Variants in NBPF20 observed in about 807,000 individuals in gnomAD.
The protein encoded by NBPF20 is NBPF family member NBPF20.
NBPF20 carries 90 observed loss-of-function variants against 68.1 expected under a neutral mutation model. The ratio of observed to expected loss-of-function variants is 1.32; its 90% CI spans 1.11 to 1.58. The LOEUF (loss-of-function observed/expected upper bound fraction) is 1.58, where lower values mean the gene tolerates loss of function less well. Among genes scored for constraint, NBPF20 ranks in the 40% most tolerant of loss-of-function variants. The probability of loss-of-function intolerance (pLI) is 0.00; values close to 1 mark genes in which losing one functional copy is unlikely to be tolerated. For missense variants in NBPF20, 816 were observed against 601.2 expected (o/e 1.36, Z -3.74); for synonymous variants, 290 against 228.1 (o/e 1.27, Z -2.45).
At chr1:145,412,447 G>A in the NBPF20 span, among the ~76,000 whole-genome samples, 1 of 151,926 alleles carries the variant, frequency 6.6e-6, no homozygotes, top group African/African-American at 2.4e-5. Context: ...AAAGGGAGGG[G>A]ACACAACAAA....
chr1:145,409,506 G>T (rs1236806656), upstream of NBPF20, among the ~76,000 whole-genome samples: 1 of 149,426 alleles, frequency 6.7e-6, no homozygotes, highest in African/African-American at 2.5e-5. Flanking sequence ...TTTTGCCTAG[G>T]TTTTTCCTGG....
At chr1:145,412,316 C>T in the NBPF20 span, among the ~76,000 whole-genome samples, 73 of 151,998 alleles carry the variant, frequency 4.8e-4, no homozygotes, top group Non-Finnish European at 8.2e-4. Context: ...TCTACTGTGT[C>T]CAGACATTCC....
chr1:145,400,325 G>C, intron 6 of NBPF20, 64 bp downstream of exon 11: 1 of 1,604,182 alleles, frequency 6.2e-7, no homozygotes, highest in Non-Finnish European at 8.5e-7. Flanking sequence ...TATAGAGCCT[G>C]TCTTCAGAGT....
Position 145,394,900 on chromosome 1 carries a change from G to C in NBPF20, c.991+78C>G, listed in dbSNP as rs1553663429. 10 of 1,456,660 alleles carry C rather than the reference G, an allele frequency of 6.9e-6. No individual in the cohort carries two copies. The South Asian group carries it at 8.0e-5, about 12-fold the overall frequency. 90.2% of individuals were successfully genotyped at this position (1,456,660 alleles called of 1,614,324 possible). A position where few individuals can be genotyped will look rare whatever the true frequency, so the allele number is the denominator to read the frequency against. On this transcript the variant is annotated intron_variant, in intron 8 of 137. Transcript: ENST00000369373. ...TGATGGCAAATCTCAGCCCAACAAG[G>C]GGCACAAGGCCCAAAGATTATGGGG... is the stretch of plus-strand genomic sequence containing the variant.
chr1:145,412,631 G>A, the NBPF20 span, among the ~76,000 whole-genome samples: 4 of 149,788 alleles, frequency 2.7e-5, no homozygotes, highest in South Asian at 2.1e-4. Flanking sequence ...AAAGTGATAC[G>A]AAGAAAACTC....
chr1:145,402,389 G>T lies in NBPF20; in HGVS notation c.279-8C>A. On this transcript the variant is annotated splice_region_variant and splice_polypyrimidine_tract_variant and intron_variant, in intron 3 of 137. Transcript: ENST00000369373. Reference sequence around the variant, plus strand: ...ACCAGGACTTTATATTGCCTAAGGTGAGACGGTAGAGAAAATTTAAGAGTG... The same window carrying T: ...ACCAGGACTTTATATTGCCTAAGGTTAGACGGTAGAGAAAATTTAAGAGTG... The T allele has an allele frequency of 6.2e-7, 1 of 1,601,830 alleles. No homozygotes were observed. The highest frequency in any genetic ancestry group is 8.5e-7 in the Non-Finnish European group (1 of 1,170,648).
At chr1:145,393,717 G>A in intron 9 of NBPF20, 167 bp downstream of exon 14, 1 of 1,493,446 alleles carries the variant, frequency 6.7e-7, no homozygotes, top group Non-Finnish European at 9.2e-7. Context: ...GGAAGAAATG[G>A]AAACCTAAAC....
At chr1:145,393,574 G>C (rs1448371474) in intron 9 of NBPF20, 108 of 647,228 alleles carry the variant, frequency 1.7e-4, no homozygotes, top group Non-Finnish European at 2.6e-4. Flanking sequence ...AGGACACACT[G>C]TGAACAGTGA....
intron 2 of NBPF20, among the ~76,000 whole-genome samples, chr1:145,404,140 C>T (rs1338193122): frequency 8.9e-5 from 13 of 146,880 alleles, no homozygotes; most frequent in Non-Finnish European, 1.3e-4. Context: ...GCTGCTTCCA[C>T]ACATTCTCGG....
the NBPF20 span, among the ~76,000 whole-genome samples, chr1:145,425,339 C>G: frequency 3.2e-4 from 49 of 151,498 alleles, no homozygotes; most frequent in Non-Finnish European, 6.5e-4. Context: ...CCCGGCCTGG[C>G]GCGGCGCCTT....
chr1:145,352,330 G>GAC lies in NBPF20; in HGVS notation c.7350-243_7350-242dup, dbSNP rs1168799009. 2.6e-3 allele frequency among the ~76,000 whole-genome samples: 215 copies of GAC among 82,002 alleles called. 3 individuals carry two copies. The highest frequency in any genetic ancestry group is 7.1e-3 in the African/African-American group (148 of 20,930). The allele number at this position is 82,002 out of a possible 152,430, so 53.8% of individuals were successfully genotyped here. A position where few individuals can be genotyped will look rare whatever the true frequency, so the allele number is the denominator to read the frequency against. On this transcript the variant is annotated intron_variant, in intron 61 of 137. Transcript: ENST00000369373. ...ACACACACACACACACACACACACAGACACACACACACACACAGAGAGAAC... is the reference window on the plus strand; with the variant it reads ...ACACACACACACACACACACACACAGACACACACACACACACACAGAGAGAAC...
At chr1:145,342,397 G>C (rs1267709426) in exon 74 of NBPF20, 2 of 83,932 alleles carry the variant, frequency 2.4e-5, no homozygotes, top group African/African-American at 5.8e-4. Flanking sequence ...CTCCCACGTC[G>C]AGAGAAAAGC....
chr1:145,306,402 C>T (rs1661413063), intron 119 of NBPF20, among the ~76,000 whole-genome samples: 1 of 137,520 alleles, frequency 7.3e-6, no homozygotes, highest in East Asian at 2.3e-4. Flanking sequence ...GCCCTCAGGA[C>T]ACACAGCATA....
At chr1:145,295,253 G>C (rs1661277251) in intron 133 of NBPF20, 1 of 525,710 alleles carries the variant, frequency 1.9e-6, no homozygotes. Flanking sequence ...CTCTGAGTTA[G>C]TGCCCTCGGG....
exon 1 of NBPF20, chr1:145,405,560 A>G: frequency 9.9e-7 from 1 of 1,011,950 alleles, no homozygotes; most frequent in East Asian, 2.6e-5. Context: ...GTGCCAGGTA[A>G]CCGTCTGCAG....
intron 8 of NBPF20, among the ~76,000 whole-genome samples, chr1:145,394,592 C>T (rs1165480770): frequency 6.6e-6 from 1 of 152,010 alleles, no homozygotes; most frequent in African/African-American, 2.4e-5. Context: ...ACCACACAGA[C>T]ATGCTTTGGG....
rs1662565086 is a variant in NBPF20 at position 145,402,384 on chromosome 1, A to T, written c.279-3T>A. On this transcript the variant is annotated splice_region_variant and splice_polypyrimidine_tract_variant and intron_variant, in intron 3 of 137. Coordinates refer to ENST00000369373, the Ensembl canonical transcript of NBPF20. ...CGTGAACCAGGACTTTATATTGCCT[A>T]AGGTGAGACGGTAGAGAAAATTTAA... 1.9e-6 allele frequency: 3 copies of T among 1,602,436 alleles called. No individual in the cohort carries two copies. Among genetic ancestry groups the T allele is most frequent in the African/African-American group, 1.3e-5 (1 of 74,646 alleles).
the NBPF20 span, among the ~76,000 whole-genome samples, chr1:145,424,485 G>C: frequency 2.0e-5 from 3 of 152,296 alleles, no homozygotes; most frequent in East Asian, 1.9e-4. Flanking sequence ...AACACTACCA[G>C]CAGATCTTTT....
chr1:145,405,097 C>T lies in NBPF20; in HGVS notation c.175+1G>A. On this transcript the variant is annotated splice_donor_variant, in intron 2 of 137. Transcript: ENST00000369373. LOFTEE classifies it high-confidence loss of function. Reference sequence around the variant, plus strand: ...CATGATGGTGAGCCTATAGATCTTACTGTATTTCTTCTGCTGGTTGGCCAG... The same window carrying T: ...CATGATGGTGAGCCTATAGATCTTATTGTATTTCTTCTGCTGGTTGGCCAG... 2 of 1,613,500 alleles carry T rather than the reference C, an allele frequency of 1.2e-6. No individual in the cohort carries two copies. The highest frequency in any genetic ancestry group is 4.5e-5 in the East Asian group (2 of 44,896).
Sources: allele counts gnomAD v4.1 joint callset (sites outside exome capture counted in the v4.1 genomes callset), GRCh38; gene constraint gnomAD v4.1.1; transcripts MANE v1.5; gene names NCBI Gene and HGNC (gene_info 2026-07-23, HGNC 2026-07-21).